The following SLC16A1 variants were observed in gnomAD, a reference collection of about 807,000 sequenced individuals.
SLC16A1 encodes solute carrier family 16 member 1.
SLC16A1 carries 11 observed loss-of-function variants against 32.2 expected under a neutral mutation model. The ratio of observed to expected loss-of-function variants is 0.34; its 90% CI spans 0.21 to 0.56. The LOEUF (loss-of-function observed/expected upper bound fraction) is 0.56. Ranked by LOEUF, SLC16A1 falls within the 20% of genes least tolerant of loss-of-function variation. SLC16A1 has a pLI of 0.87. For synonymous variants in SLC16A1, 231 were observed against 226.8 expected, an observed-to-expected ratio of 1.02 and a Z score of -0.17; for missense variants, 435 against 615.0, an observed-to-expected ratio of 0.71 and a Z score of 3.10.
At chr1:112,919,345 A>C (rs1295589147) in intron 3 of SLC16A1, among the ~76,000 whole-genome samples, 1 of 152,186 alleles carries the variant, frequency 6.6e-6, no homozygotes, top group Non-Finnish European at 1.5e-5. Flanking sequence ...GAATGTACTA[A>C]TTTAATGCAA....
intron 2 of SLC16A1, 145 bp downstream of exon 2, chr1:112,928,947 A>C (rs1035303862): frequency 1.1e-5 from 7 of 655,410 alleles, no homozygotes; most frequent in African/African-American, 7.3e-5. Flanking sequence ...GGAATGAAAA[A>C]TGTGACTCTA....
At position 112,929,386 on chromosome 1, in the gene SLC16A1, A is replaced by G; in HGVS notation, c.-44-34T>C. On this transcript the variant is annotated intron_variant, in intron 1 of 4. Transcript: ENST00000369626. Reference sequence around the variant, plus strand: ...CATAAAATTAAAATAGTATGTCAATATAAGGCACACCTATAAAACTCTTTT... The same window carrying G: ...CATAAAATTAAAATAGTATGTCAATGTAAGGCACACCTATAAAACTCTTTT... The G allele has an allele frequency of 2.6e-6, 3 of 1,158,644 alleles. No individual in the cohort carries two copies. The South Asian group carries it at 3.8e-5, about 15-fold the overall frequency. The allele number at this position is 1,158,644 out of a possible 1,614,324, so 71.8% of individuals were successfully genotyped here. A position where few individuals can be genotyped will look rare whatever the true frequency, so the allele number is the denominator to read the frequency against.
At chr1:112,924,321 G>T in intron 2 of SLC16A1, 1 of 1,364,020 alleles carries the variant, frequency 7.3e-7, no homozygotes, top group Non-Finnish European at 1.0e-6. Flanking sequence ...GGTTGCTCAC[G>T]AATGTCCCAA....
chr1:112,936,427 G>C (rs1288359340), intron 1 of SLC16A1, among the ~76,000 whole-genome samples: 1 of 135,542 alleles, frequency 7.4e-6, no homozygotes, highest in Non-Finnish European at 1.5e-5. Context: ...AGAATTGCTT[G>C]ACTCTGGGAG....
intron 4 of SLC16A1, among the ~76,000 whole-genome samples, chr1:112,916,514 A>G (rs1028187520): frequency 1.3e-5 from 2 of 151,368 alleles, no homozygotes; most frequent in African/African-American, 4.9e-5. Context: ...AAAAAAAAAA[A>G]AAAAAAAACT....
rs552877966 is a variant in SLC16A1, at chr1:112,913,483, T to A, written c.*408A>T. The A allele has an allele frequency of 1.7e-5, 3 of 173,478 alleles. No homozygotes were observed. The highest frequency in any genetic ancestry group is 7.2e-5 in the African/African-American group (3 of 41,918). 10.7% of individuals were successfully genotyped at this position (173,478 alleles called of 1,614,324 possible). A position where few individuals can be genotyped will look rare whatever the true frequency, so the allele number is the denominator to read the frequency against. ...ACAATGAAGCAAGATTAATTTTAAA[T>A]TTTAGATTTGCCTCAAACAAGTTAG... On this transcript the variant is annotated 3_prime_UTR_variant, in exon 5 of 5. Transcript: ENST00000369626.
At chr1:112,925,938 T>C (rs1443889521) in intron 2 of SLC16A1, among the ~76,000 whole-genome samples, 2 of 152,232 alleles carry the variant, frequency 1.3e-5, no homozygotes, top group African/African-American at 4.8e-5. Flanking sequence ...ATTAAAAGGA[T>C]AGGCTGTAGC....
chr1:112,921,073 G>A (rs947407672), intron 3 of SLC16A1, among the ~76,000 whole-genome samples: 4 of 151,632 alleles, frequency 2.6e-5, no homozygotes, highest in Non-Finnish European at 5.9e-5. Context: ...TCCAGGAGGC[G>A]GAGCTTGCAG....
At chr1:112,943,041 C>A (rs1377480568) in intron 1 of SLC16A1, among the ~76,000 whole-genome samples, 2 of 152,106 alleles carry the variant, frequency 1.3e-5, no homozygotes, top group Non-Finnish European at 2.9e-5. Flanking sequence ...GTAGCAAACA[C>A]TCTTAATTCT....
intron 2 of SLC16A1, 143 bp downstream of exon 2, chr1:112,928,949 G>A (rs1201760922): frequency 4.6e-6 from 3 of 656,810 alleles, no homozygotes; most frequent in Non-Finnish European, 5.3e-6. Context: ...AATGAAAAAT[G>A]TGACTCTAAA....
intron 1 of SLC16A1, among the ~76,000 whole-genome samples, chr1:112,954,322 T>A (rs576349108): frequency 1.3e-5 from 2 of 151,966 alleles, no homozygotes; most frequent in Non-Finnish European, 2.9e-5. Context: ...AAATCAGGAG[T>A]GCCAATCTAA....
intron 3 of SLC16A1, among the ~76,000 whole-genome samples, chr1:112,920,015 C>T (rs1245086998): frequency 1.3e-5 from 2 of 152,200 alleles, no homozygotes; most frequent in African/African-American, 2.4e-5. Flanking sequence ...TCTATCTCTA[C>T]AGCACCTAAA....
chr1:112,944,703 C>T (rs1182750763), intron 1 of SLC16A1, among the ~76,000 whole-genome samples: 1 of 152,088 alleles, frequency 6.6e-6, no homozygotes, highest in Non-Finnish European at 1.5e-5. Flanking sequence ...TCAGAAACTT[C>T]CTTTTTTTTG....
chr1:112,922,874 A>T (rs115537495), intron 2 of SLC16A1, among the ~76,000 whole-genome samples: 422 of 152,280 alleles, frequency 2.8e-3, no homozygotes, highest in African/African-American at 9.7e-3. Flanking sequence ...ATGCATCTAG[A>T]TTTTAGAGTA....
At chr1:112,923,697 C>A in intron 2 of SLC16A1, 3 of 1,536,006 alleles carry the variant, frequency 2.0e-6, no homozygotes, top group Non-Finnish European at 2.7e-6. Flanking sequence ...CAGGCCAGAC[C>A]ACAGCACCCC....
intron 1 of SLC16A1, among the ~76,000 whole-genome samples, chr1:112,932,277 A>C (rs1313157941): frequency 6.6e-6 from 1 of 152,126 alleles, no homozygotes; most frequent in Non-Finnish European, 1.5e-5. Context: ...GCTCACACTT[A>C]TAATTCCAAT....
intron 1 of SLC16A1, among the ~76,000 whole-genome samples, chr1:112,932,793 CAAAA>C (rs34232032): frequency 3.5e-5 from 2 of 57,118 alleles, no homozygotes; most frequent in Non-Finnish European, 3.2e-5. Flanking sequence ...GACTCCGTCG[CAAAA>C]AAAAAAAAAA....
intron 1 of SLC16A1, among the ~76,000 whole-genome samples, chr1:112,933,354 A>G (rs1316839311): frequency 1.3e-5 from 2 of 151,366 alleles, no homozygotes; most frequent in Admixed American, 6.6e-5. Flanking sequence ...CGGGAGGCTG[A>G]GGCAAGAGAA....
rs1352126761 is a variant in SLC16A1 at position 112,912,123 on chromosome 1, G to T, written c.*1768C>A. The T allele has an allele frequency of 6.6e-6, 1 of 152,236 alleles. No individual in the cohort carries two copies. The allele number at this position is 152,236 out of a possible 1,614,324, so 9.4% of individuals were successfully genotyped here. A position where few individuals can be genotyped will look rare whatever the true frequency, so the allele number is the denominator to read the frequency against. The stretch of plus-strand genomic sequence containing the variant: ...TGTTTCCTTAAGGTTAACTGCTCTG[G>T]ATGCTCTCAGTTCAAATAAGATGGT... On this transcript the variant is annotated 3_prime_UTR_variant, in exon 5 of 5. Transcript: ENST00000369626.
Sources: allele counts gnomAD v4.1 joint callset (sites outside exome capture counted in the v4.1 genomes callset), GRCh38; gene constraint gnomAD v4.1.1; transcripts MANE v1.5; gene names NCBI Gene and HGNC (gene_info 2026-07-23, HGNC 2026-07-21).